Variants in PLXNB3 observed in about 807,000 individuals in gnomAD.
PLXNB3 encodes plexin B3, also known as plexin-B3.
Under a neutral mutation model 125.7 loss-of-function variants are expected in PLXNB3, and 80 were observed. That is an observed-to-expected ratio of 0.64 (90% CI 0.53 to 0.77). PLXNB3 has a LOEUF of 0.77. PLXNB3 is among the 30% of genes least tolerant of loss of function. PLXNB3 has a pLI of 0.00. For missense variants in PLXNB3, 1,836 were observed against 1,729.3 expected, an observed-to-expected ratio of 1.06 and a Z score of -1.09; for synonymous variants, 954 against 783.3, an observed-to-expected ratio of 1.22 and a Z score of -3.64.
At position 153,770,657 on chromosome X, in the gene PLXNB3, A is replaced by G; in HGVS notation, c.2010+15A>G. ...GCGCCCAGGAGGTGGGTGGGCCCGAACTTCGGGCAGAGACAGGGCTGTCCC... is the reference window on the plus strand; with the variant it reads ...GCGCCCAGGAGGTGGGTGGGCCCGAGCTTCGGGCAGAGACAGGGCTGTCCC... On this transcript the variant is annotated intron_variant, in intron 10 of 35. Transcript: ENST00000361971. The G allele has an allele frequency of 8.3e-7, 1 of 1,208,650 alleles. No homozygotes were observed. Among genetic ancestry groups the G allele is most frequent in the Non-Finnish European group, 1.1e-6 (1 of 893,434 alleles).
intron 25 of PLXNB3, 64 bp downstream of exon 25, chrX:153,775,467 C>T (rs1178445644): frequency 3.9e-5 from 46 of 1,172,516 alleles, no homozygotes; most frequent in Non-Finnish European, 5.2e-5. Context: ...CCCCATCGCA[C>T]CCTGGGCGGG....
intron 16 of PLXNB3, 124 bp downstream of exon 16, chrX:153,772,411 G>C: frequency 1.8e-6 from 1 of 544,464 alleles, no homozygotes; most frequent in Non-Finnish European, 3.0e-6. Flanking sequence ...TGCATGTCTA[G>C]GAGGGAAGCC....
At chrX:153,775,740 G>A (rs1449551982) in intron 26 of PLXNB3, 80 bp downstream of exon 26, 5 of 1,102,440 alleles carry the variant, frequency 4.5e-6, no homozygotes, top group African/African-American at 1.8e-5. Context: ...TACTGCCTGC[G>A]CCCTACGTGA....
At chrX:153,767,947 T>C in intron 3 of PLXNB3, 34 bp downstream of exon 3, 1 of 1,074,016 alleles carries the variant, frequency 9.3e-7, no homozygotes, top group Non-Finnish European at 1.2e-6. Context: ...CCCCTCTCTG[T>C]GGATGGCTGG....
Position 153,777,132 on chromosome X carries a change from T to C in PLXNB3, c.4928-76T>C, listed in dbSNP as rs185842035. On this transcript the variant is annotated intron_variant, in intron 29 of 35. Coordinates refer to ENST00000361971, the MANE Select transcript of PLXNB3 (RefSeq NM_005393.3). The stretch of plus-strand genomic sequence containing the variant: ...TTCCAGTCCCCACACTGCCCCACCT[T>C]GTCGGGGGAGTGGACTGGGCATCCC... 6,106 of 1,056,897 alleles carry C rather than the reference T, an allele frequency of 5.8e-3. 22 individuals are homozygous for C. Among genetic ancestry groups the C allele is most frequent in the Non-Finnish European group, 7.0e-3 (5,576 of 796,618 alleles). 87.1% of individuals were successfully genotyped at this position (1,056,897 alleles called of 1,213,427 possible).
intron 29 of PLXNB3, 46 bp downstream of exon 29, chrX:153,777,026 G>C: frequency 9.7e-7 from 1 of 1,029,895 alleles, no homozygotes; most frequent in Non-Finnish European, 1.3e-6. Context: ...TCCAGGCTGG[G>C]CAGGCAGAAC....
At chrX:153,774,164 T>C in intron 20 of PLXNB3, 22 bp from the exon 21 acceptor site, 2 of 1,203,166 alleles carry the variant, frequency 1.7e-6, no homozygotes, top group South Asian at 3.5e-5. Context: ...GCCAGCGGCT[T>C]AGGCTCCCAT....
chrX:153,773,898 C>T lies in PLXNB3; in HGVS notation c.3319C>T (p.Leu1107=). Residue 1107 remains leucine (L), a synonymous_variant, in exon 20 of 36, where the codon CTG becomes TTG. Transcript: ENST00000361971. ...CTCCGTCAACTCGTCCAGCCTCCTC[C>T]TGTGCCGGAGCCCTGCTGTACCAGA... is the stretch of plus-strand genomic sequence containing the variant. ...VCSVNSSSLL[L]CRSPAVPDRA... 1 of 1,211,342 alleles carries T rather than the reference C, an allele frequency of 8.3e-7. No homozygotes were observed. The highest frequency in any genetic ancestry group is 1.1e-6 in the Non-Finnish European group (1 of 895,394).
At chrX:153,771,737 C>T (rs999386263) in intron 14 of PLXNB3, 82 bp downstream of exon 14, 16 of 1,124,690 alleles carry the variant, frequency 1.4e-5, no homozygotes, top group Non-Finnish European at 1.9e-5. Context: ...ATCAGACCAG[C>T]CCTGCCCCAG....
rs782094184 is a variant in PLXNB3, at chrX:153,775,907, G to A, written c.4422G>A (p.Leu1474=). ...AFLREVAGEP[L]YMLFRAIQYQ... ...TGCAGGAGGTGGCTGGTGAACCACT[G>A]TACATGCTCTTCCGGGCCATCCAGT... The change falls in exon 27 of 36, where the codon CTG becomes CTA. Residue 1474 remains leucine, a synonymous_variant. Coordinates refer to ENST00000361971, the MANE Select transcript of PLXNB3 (RefSeq NM_005393.3). 17 of 1,208,825 alleles carry A rather than the reference G, an allele frequency of 1.4e-5. No individual in the cohort carries two copies. The South Asian group carries it at 2.8e-4, about 20-fold the overall frequency.
At chrX:153,766,671 G>A (rs2091862022) in intron 2 of PLXNB3, 1 of 749,259 alleles carries the variant, frequency 1.3e-6, no homozygotes, top group Non-Finnish European at 1.6e-6. Flanking sequence ...CTTGGACACT[G>A]TCTTTGTCCC....
In PLXNB3 at chrX:153,777,397, T is replaced by G; in HGVS notation, c.5100+17T>G. 1.7e-6 allele frequency: 2 copies of G among 1,185,725 alleles called. No homozygotes were observed. Among genetic ancestry groups the G allele is most frequent in the Non-Finnish European group, 1.1e-6 (1 of 878,651 alleles). ...TCCATGAAGGTTGGTGCGGCCTGGG[T>G]GGCTGGGCCTGAGAGGAGGCTCAGC... On this transcript the variant is annotated intron_variant, in intron 30 of 35. Transcript: ENST00000361971.
chrX:153,769,613 A>G (rs1557060800), intron 6 of PLXNB3, among the ~76,000 whole-genome samples, 194 bp from the exon 7 acceptor site: 2 of 112,927 alleles, frequency 1.8e-5, no homozygotes, highest in African/African-American at 6.4e-5. Context: ...CCTGCCTCTC[A>G]GGGCTGGAGC....
chrX:153,775,646 T>C lies in PLXNB3; in HGVS notation c.4387T>C (p.Tyr1463His). 1 of 1,209,931 alleles carries C rather than the reference T, an allele frequency of 8.3e-7. No homozygotes were observed. Among genetic ancestry groups the C allele is most frequent in the Non-Finnish European group, 1.1e-6 (1 of 894,373 alleles). The stretch of plus-strand genomic sequence containing the variant: ...CACCAACTGGCTGTCCATCTGCCTG[T>C]ACGCCTTCCTGAGGGTGAGGGGCAC... The part of the protein sequence containing the change: ...LLTNWLSICL[Y>H]AFLREVAGEP... Residue 1463 changes from tyrosine to histidine, a missense_variant, in exon 26 of 36, where the codon TAC becomes CAC. Tyr to His is a moderately conservative substitution (Grantham distance 83). Coordinates refer to ENST00000361971, the MANE Select transcript of PLXNB3 (RefSeq NM_005393.3).
In PLXNB3 at chrX:153,778,683, C is replaced by A; in HGVS notation, c.5625+9C>A. On this transcript the variant is annotated intron_variant, in intron 35 of 35. Transcript: ENST00000361971. Reference sequence around the variant, plus strand: ...ACAGGTACTATGATCAGGTGAGGCCCAGGGCACTCCGGAGGGGAGGCACAG... The same window carrying A: ...ACAGGTACTATGATCAGGTGAGGCCAAGGGCACTCCGGAGGGGAGGCACAG... 8.4e-7 allele frequency: 1 copy of A among 1,190,786 alleles called. No homozygotes were observed. Among genetic ancestry groups the A allele is most frequent in the East Asian group, 3.0e-5 (1 of 33,349 alleles).
rs1603242556 is a variant in PLXNB3, at chrX:153,768,514, C to T, written c.1266+86C>T. ...CCCCCAGCAACTTCCACCTCTTAGC[C>T]CGCATCCCACGGTTGGGTCAGGGGA... On this transcript the variant is annotated intron_variant, in intron 4 of 35. Transcript: ENST00000361971. 3.4e-6 allele frequency: 3 copies of T among 890,901 alleles called. No individual in the cohort carries two copies. The Admixed American group carries it at 8.9e-5, about 26-fold the overall frequency. 73.4% of individuals were successfully genotyped at this position (890,901 alleles called of 1,213,427 possible).
At chrX:153,769,389 G>A (rs782161104) in intron 6 of PLXNB3, 127 bp downstream of exon 6, 6 of 515,911 alleles carry the variant, frequency 1.2e-5, no homozygotes, top group South Asian at 3.1e-5. Flanking sequence ...GGGCCACCAC[G>A]GAGGTCACCC....
At chrX:153,773,448 G>A (rs2091954907) in intron 18 of PLXNB3, 42 bp downstream of exon 18, 3 of 1,185,487 alleles carry the variant, frequency 2.5e-6, no homozygotes, top group South Asian at 3.7e-5. Context: ...CCACGCAGGA[G>A]GGAAGGTGGG....
chrX:153,769,914 A>C lies in PLXNB3; in HGVS notation c.1604A>C (p.His535Pro). The change falls in exon 7 of 36, where the codon CAC (histidine) becomes CCC (proline). Residue 535 changes from histidine to proline, a missense_variant. Physicochemically the swap from His to Pro is moderately conservative, Grantham distance 77. Transcript: ENST00000361971. ...CLHIQSLLPG[H>P]HPRQEQGQVT... Reference sequence around the variant, plus strand: ...CACATCCAGAGCCTGCTGCCGGGCCACCACCCCCGCCAGGAGCAGGGCCAG... The same window carrying C: ...CACATCCAGAGCCTGCTGCCGGGCCCCCACCCCCGCCAGGAGCAGGGCCAG... 2.5e-6 allele frequency: 3 copies of C among 1,207,803 alleles called. No individual in the cohort carries two copies. Among genetic ancestry groups the C allele is most frequent in the Middle Eastern group, 2.5e-4 (1 of 3,998 alleles).
Sources: allele counts gnomAD v4.1 joint callset (sites outside exome capture counted in the v4.1 genomes callset), GRCh38; gene constraint gnomAD v4.1.1; transcripts MANE v1.5; gene names NCBI Gene and HGNC (gene_info 2026-07-23, HGNC 2026-07-21).